Variants in NALCN observed in about 807,000 individuals in gnomAD.
NALCN encodes the protein sodium leak channel NALCN.
Under a neutral mutation model 225.3 loss-of-function variants are expected in NALCN, and 111 were observed. The observed-to-expected ratio is 0.49, with a 90% CI of 0.42 to 0.58. NALCN has a LOEUF of 0.58. Among genes scored for constraint, NALCN ranks in the 20% least tolerant of loss-of-function variants. The pLI is 0.00. For missense variants in NALCN, 1,378 were observed against 2,202.4 expected, an observed-to-expected ratio of 0.63 and a Z score of 7.49; for synonymous variants, 764 against 769.0, an observed-to-expected ratio of 0.99 and a Z score of 0.11.
chr13:101,143,464 T>C (rs80053460), intron 16 of NALCN, among the ~76,000 whole-genome samples: 1 of 147,044 alleles, frequency 6.8e-6, no homozygotes, highest in African/African-American at 2.5e-5. Context: ...GGTAGTTTTT[T>C]GAATCTTTTT....
At chr13:101,070,517 G>C (rs1377468800) in intron 37 of NALCN, among the ~76,000 whole-genome samples, 2 of 152,168 alleles carry the variant, frequency 1.3e-5, no homozygotes, top group Non-Finnish European at 2.9e-5. Flanking sequence ...AAGTTGAAAT[G>C]ACTTCTTGAT....
At chr13:101,402,795 G>A (rs1281298746) in intron 1 of NALCN, among the ~76,000 whole-genome samples, 1 of 152,210 alleles carries the variant, frequency 6.6e-6, no homozygotes, top group Non-Finnish European at 1.5e-5. Flanking sequence ...GCCTGAGAGA[G>A]CGACATGAGC....
chr13:101,113,280 G>A (rs1021148704), intron 18 of NALCN, among the ~76,000 whole-genome samples: 4 of 152,214 alleles, frequency 2.6e-5, no homozygotes, highest in Non-Finnish European at 5.9e-5. Context: ...AGGTTGGACG[G>A]TGGATGCAGG....
At chr13:101,218,200 C>G (rs1164542767) in intron 13 of NALCN, among the ~76,000 whole-genome samples, 1 of 152,124 alleles carries the variant, frequency 6.6e-6, no homozygotes, top group East Asian at 1.9e-4. Context: ...TAGATGTCAT[C>G]AGGAAGCCTG....
At chr13:101,277,672 T>C (rs9513878) in intron 10 of NALCN, among the ~76,000 whole-genome samples, 43,137 of 152,182 alleles carry the variant, frequency 0.28, 6,817 homozygotes, top group Non-Finnish European at 0.35. Context: ...CATTCATCCA[T>C]GCATTTGTGT....
intron 13 of NALCN, among the ~76,000 whole-genome samples, chr13:101,214,997 T>C (rs995788413): frequency 2.6e-5 from 4 of 152,116 alleles, no homozygotes; most frequent in Admixed American, 2.6e-4. Context: ...TGGCAATTGT[T>C]TATCCAAATG....
chr13:101,075,831 C>T, intron 35 of NALCN, 42 bp downstream of exon 35: 10 of 1,521,168 alleles, frequency 6.6e-6, no homozygotes, highest in Non-Finnish European at 9.0e-6. Flanking sequence ...TTCATTAACA[C>T]ATATATGACC....
chr13:101,162,776 C>G (rs1594339894), intron 15 of NALCN, among the ~76,000 whole-genome samples: 4 of 152,322 alleles, frequency 2.6e-5, no homozygotes, highest in Admixed American at 2.6e-4. Context: ...CAATTTTGTT[C>G]TCTTGATTAA....
chr13:101,152,562 C>G (rs1257805878), intron 15 of NALCN, among the ~76,000 whole-genome samples: 3 of 151,992 alleles, frequency 2.0e-5, no homozygotes, highest in Non-Finnish European at 4.4e-5. Context: ...CAAGGCTAAG[C>G]TAACCAACAA....
rs2033126693 is a variant in NALCN, at chr13:101,074,601, A to ATGAT, written c.4012_4015dup (p.Ile1339AsnfsTer30). On this transcript the variant is annotated frameshift_variant, in exon 36 of 44. Transcript: ENST00000251127. LOFTEE classifies it high-confidence loss of function. ...CAGCAGCAAGAGAAACATGCCTACT[A>ATGAT]TGATAAAGAAGCTCTTGTACATGCT... is the stretch of plus-strand genomic sequence containing the variant. 2 of 1,613,904 alleles carry ATGAT rather than the reference A, an allele frequency of 1.2e-6. No individual in the cohort carries two copies. The highest frequency in any genetic ancestry group is 1.7e-6 in the Non-Finnish European group (2 of 1,179,980).
intron 17 of NALCN, among the ~76,000 whole-genome samples, chr13:101,136,281 T>C (rs1454970065): frequency 1.4e-5 from 2 of 147,044 alleles, no homozygotes. Context: ...GATTTTATAG[T>C]ACGCATCGTT....
chr13:101,112,795 A>AAAGCCC (rs2035514418), intron 18 of NALCN, among the ~76,000 whole-genome samples: 1 of 152,364 alleles, frequency 6.6e-6, no homozygotes, highest in South Asian at 2.1e-4. Context: ...TCTGAGAATT[A>AAAGCCC]AGATCTTTGA....
At chr13:101,384,966 G>A (rs1413412253) in intron 3 of NALCN, among the ~76,000 whole-genome samples, 1 of 152,184 alleles carries the variant, frequency 6.6e-6, no homozygotes, top group East Asian at 1.9e-4. Flanking sequence ...CTCCCCAGCT[G>A]TGCATCCAGC....
At chr13:101,186,862 A>C (rs1176664748) in intron 14 of NALCN, among the ~76,000 whole-genome samples, 1 of 152,186 alleles carries the variant, frequency 6.6e-6, no homozygotes, top group Non-Finnish European at 1.5e-5. Flanking sequence ...GAAAAGCAAA[A>C]ATTGTAAACA....
At chr13:101,083,875 T>C in intron 30 of NALCN, 71 bp from the exon 31 acceptor site, 7 of 1,444,582 alleles carry the variant, frequency 4.8e-6, no homozygotes, top group Non-Finnish European at 6.7e-6. Flanking sequence ...GCAGATGGGG[T>C]GCCGAGACAA....
intron 17 of NALCN, among the ~76,000 whole-genome samples, chr13:101,130,646 G>A (rs2036472636): frequency 6.6e-6 from 1 of 152,166 alleles, no homozygotes; most frequent in Non-Finnish European, 1.5e-5. Context: ...GATATTCTTT[G>A]CCTGGGCATC....
At chr13:101,110,187 C>A (rs751910693) in intron 20 of NALCN, among the ~76,000 whole-genome samples, 6 of 152,192 alleles carry the variant, frequency 3.9e-5, no homozygotes, top group Non-Finnish European at 7.3e-5. Context: ...TAGTCCTTGA[C>A]AGGAAAATTC....
intron 43 of NALCN, 147 bp from the exon 44 acceptor site, chr13:101,055,635 T>A (rs956951981): frequency 3.3e-5 from 19 of 575,368 alleles, no homozygotes; most frequent in Admixed American, 1.0e-4. Context: ...TTTCAGGACT[T>A]GATTCTTTAT....
At chr13:101,105,857 T>C (rs745513192) in intron 22 of NALCN, among the ~76,000 whole-genome samples, 1 of 152,138 alleles carries the variant, frequency 6.6e-6, no homozygotes, top group Non-Finnish European at 1.5e-5. Flanking sequence ...CGCTTAAATG[T>C]CCTCCTCTGT....
Sources: gnomAD v4.1 joint callset for allele counts (sites outside exome capture counted in the v4.1 genomes callset) on GRCh38, gnomAD v4.1.1 for gene constraint, MANE v1.5 for transcripts, NCBI Gene and HGNC (gene_info 2026-07-23, HGNC 2026-07-21) for gene names.